CSMD1: variants seen among roughly 807,000 people sequenced by gnomAD.
CSMD1 encodes the protein CUB and sushi domain-containing protein 1.
A neutral mutation model predicts 417.5 loss-of-function variants in CSMD1; 213 were observed. The ratio of observed to expected loss-of-function variants is 0.51; its 90% CI spans 0.46 to 0.57. The LOEUF is 0.57. Among genes scored for constraint, CSMD1 ranks in the 20% least tolerant of loss-of-function variants. CSMD1 has a pLI of 0.00. For synonymous variants in CSMD1, 2,862 were observed against 1,736.8 expected, an observed-to-expected ratio of 1.65 and a Z score of -16.11; for missense variants, 6,923 against 4,529.7, an observed-to-expected ratio of 1.53 and a Z score of -15.17.
At chr8:4,789,820 T>C (rs899688797) in intron 1 of CSMD1, among the ~76,000 whole-genome samples, 19 of 152,248 alleles carry the variant, frequency 1.2e-4, no homozygotes, top group African/African-American at 4.6e-4. Flanking sequence ...CTTGCTATTT[T>C]GTTTATGGAA....
chr8:4,740,300 G>A (rs1305747618), intron 1 of CSMD1, among the ~76,000 whole-genome samples: 1 of 152,098 alleles, frequency 6.6e-6, no homozygotes, highest in Admixed American at 6.5e-5. Context: ...TTATTATAGG[G>A]TCTTACATTT....
intron 1 of CSMD1, among the ~76,000 whole-genome samples, chr8:4,779,482 T>A (rs1433530143): frequency 6.6e-6 from 1 of 152,146 alleles, no homozygotes; most frequent in African/African-American, 2.4e-5. Context: ...ATTTTTTTCT[T>A]ATTTCCCTAT....
At chr8:3,913,345 A>C (rs933008388) in intron 5 of CSMD1, among the ~76,000 whole-genome samples, 1 of 152,130 alleles carries the variant, frequency 6.6e-6, no homozygotes, top group African/African-American at 2.4e-5. Flanking sequence ...GGCCAATCCG[A>C]TATCAGAACA....
At chr8:3,428,282 G>T (rs977978829) in intron 12 of CSMD1, among the ~76,000 whole-genome samples, 6 of 152,138 alleles carry the variant, frequency 3.9e-5, no homozygotes, top group Admixed American at 1.3e-4. Context: ...CAAACAAACG[G>T]CTCTGCAGCC....
intron 5 of CSMD1, among the ~76,000 whole-genome samples, chr8:3,763,102 G>T (rs561861757): frequency 3.6e-4 from 55 of 152,328 alleles, no homozygotes; most frequent in Admixed American, 1.8e-3. Flanking sequence ...GTAACAGAGT[G>T]CTGGGCATGT....
intron 5 of CSMD1, among the ~76,000 whole-genome samples, chr8:3,800,017 A>T (rs117363360): frequency 6.6e-6 from 1 of 152,294 alleles, no homozygotes; most frequent in Non-Finnish European, 1.5e-5. Context: ...TTGTAAAATC[A>T]CTTGACTTTT....
At chr8:3,811,880 G>A (rs918523907) in intron 5 of CSMD1, among the ~76,000 whole-genome samples, 6 of 152,074 alleles carry the variant, frequency 3.9e-5, no homozygotes, top group African/African-American at 7.2e-5. Context: ...TATGTGTTGT[G>A]TTTTTGCTCA....
At chr8:4,449,428 T>G (rs1241908700) in intron 2 of CSMD1, among the ~76,000 whole-genome samples, 1 of 152,142 alleles carries the variant, frequency 6.6e-6, no homozygotes. Context: ...GTGTAGAAGT[T>G]CATATTTTTC....
chr8:4,827,384 C>A (rs193084855), intron 1 of CSMD1, among the ~76,000 whole-genome samples: 2 of 152,148 alleles, frequency 1.3e-5, no homozygotes, highest in African/African-American at 2.4e-5. Flanking sequence ...GCTCGAGTTA[C>A]CTTCCTCGAC....
intron 1 of CSMD1, among the ~76,000 whole-genome samples, chr8:4,916,056 G>A (rs969396706): frequency 6.6e-6 from 1 of 152,190 alleles, no homozygotes; most frequent in African/African-American, 2.4e-5. Context: ...CCCTGGAAAG[G>A]CAACGCCAGC....
At chr8:3,828,191 C>T (rs1040762750) in intron 5 of CSMD1, among the ~76,000 whole-genome samples, 1 of 152,116 alleles carries the variant, frequency 6.6e-6, no homozygotes, top group Non-Finnish European at 1.5e-5. Flanking sequence ...AACCAGTATG[C>T]AATCCTTGAT....
intron 37 of CSMD1, among the ~76,000 whole-genome samples, chr8:3,180,559 C>T (rs1388326309): frequency 2.0e-5 from 3 of 152,162 alleles, no homozygotes; most frequent in African/African-American, 7.2e-5. Context: ...GAAATTATAG[C>T]AGTTATATCT....
rs779021649 is a variant in CSMD1, at chr8:3,914,193, A to C, written c.818+83710T>G. 4.6e-5 allele frequency among the ~76,000 whole-genome samples: 7 copies of C among 152,230 alleles called. No homozygotes were observed. The East Asian group carries it at 7.7e-4, about 17-fold the overall frequency. ...ACAAGAAAAAGTACTTTTAACCCCCAAAAAGAGGTAAGTAACTTGAGCACC... is the reference window on the plus strand; with the variant it reads ...ACAAGAAAAAGTACTTTTAACCCCCCAAAAGAGGTAAGTAACTTGAGCACC... On this transcript the variant is annotated intron_variant, in intron 5 of 69. Coordinates refer to ENST00000635120, the MANE Select transcript of CSMD1 (RefSeq NM_033225.6).
intron 25 of CSMD1, among the ~76,000 whole-genome samples, chr8:3,299,073 A>C (rs548776724): frequency 2.0e-5 from 3 of 152,330 alleles, no homozygotes; most frequent in Admixed American, 6.5e-5. Context: ...AAATGTAGGT[A>C]AGTGTCAGTC....
intron 22 of CSMD1, among the ~76,000 whole-genome samples, chr8:3,347,064 A>G (rs1808053803): frequency 6.6e-6 from 1 of 152,240 alleles, no homozygotes; most frequent in South Asian, 2.1e-4. Flanking sequence ...AACACTAAAG[A>G]TAACTGATAA....
At chr8:4,168,297 G>A (rs990623352) in intron 3 of CSMD1, among the ~76,000 whole-genome samples, 1 of 151,958 alleles carries the variant, frequency 6.6e-6, no homozygotes, top group Non-Finnish European at 1.5e-5. Context: ...AGGAGGCTGA[G>A]GCAGAAAGGG....
chr8:4,945,152 G>C (rs1030989855), intron 1 of CSMD1, among the ~76,000 whole-genome samples: 7 of 152,132 alleles, frequency 4.6e-5, no homozygotes, highest in East Asian at 1.9e-4. Context: ...CCCACAACAA[G>C]AGAAATACTG....
At chr8:3,340,396 T>A (rs1005998624) in intron 23 of CSMD1, among the ~76,000 whole-genome samples, 1 of 152,222 alleles carries the variant, frequency 6.6e-6, no homozygotes, top group Non-Finnish European at 1.5e-5. Flanking sequence ...GGTTTTTTTT[T>A]ATTAAGCTAT....
At chr8:4,174,116 G>A (rs1797911818) in intron 3 of CSMD1, among the ~76,000 whole-genome samples, 1 of 152,124 alleles carries the variant, frequency 6.6e-6, no homozygotes, top group Non-Finnish European at 1.5e-5. Flanking sequence ...GGAGGGTAGG[G>A]CAAGCCTGGA....
Sources: allele counts gnomAD v4.1 joint callset (sites outside exome capture counted in the v4.1 genomes callset), GRCh38; gene constraint gnomAD v4.1.1; transcripts MANE v1.5; gene names NCBI Gene and HGNC (gene_info 2026-07-23, HGNC 2026-07-21).